LRP2: variants seen among roughly 807,000 people sequenced by gnomAD.
LRP2 encodes LDL receptor related protein 2.
LRP2 carries 172 observed loss-of-function variants against 531.0 expected under a neutral mutation model. The observed-to-expected ratio is 0.32, with a 90% CI of 0.29 to 0.37. The LOEUF (loss-of-function observed/expected upper bound fraction) is 0.37, where lower values mean the gene tolerates loss of function less well. Among genes scored for constraint, LRP2 ranks in the 10% least tolerant of loss-of-function variants. The pLI, the probability that LRP2 is intolerant of heterozygous loss-of-function variation, is 1.00. For missense variants in LRP2, 5,167 were observed against 5,868.3 expected, an observed-to-expected ratio of 0.88 and a Z score of 3.90; for synonymous variants, 1,992 against 2,027.6, an observed-to-expected ratio of 0.98 and a Z score of 0.47.
chr2:169,193,679 A>C (rs1406715157), intron 47 of LRP2, 82 bp downstream of exon 47: 2 of 1,560,610 alleles, frequency 1.3e-6, no homozygotes, highest in Non-Finnish European at 1.8e-6. Flanking sequence ...ATCTGCAATC[A>C]TACTCTCCAA....
At chr2:169,134,531 T>C (rs914154387) in intron 76 of LRP2, among the ~76,000 whole-genome samples, 1 of 152,180 alleles carries the variant, frequency 6.6e-6, no homozygotes, top group African/African-American at 2.4e-5. Flanking sequence ...GGTTTACTGA[T>C]AGCAGTTCCA....
chr2:169,222,854 T>C (rs768601801), intron 33 of LRP2, among the ~76,000 whole-genome samples: 1 of 152,148 alleles, frequency 6.6e-6, no homozygotes, highest in Non-Finnish European at 1.5e-5. Context: ...AGCAAGGATG[T>C]ATTAGTCATC....
In LRP2 at chr2:169,173,752, G is replaced by C. The variant is rs1574096055; in HGVS notation, c.11014+167C>G. Among the ~76,000 whole-genome samples the C allele has an allele frequency of 3.3e-5, 5 of 152,344 alleles. No homozygotes were observed. The Middle Eastern group carries it at 0.014, about 415-fold the overall frequency. ...AAACAGAGTCTGGTTCCACCTGCAAGCCACACAGCTATACTCTGCCTTGCA... is the reference window on the plus strand; with the variant it reads ...AAACAGAGTCTGGTTCCACCTGCAACCCACACAGCTATACTCTGCCTTGCA... On this transcript the variant is annotated intron_variant, in intron 56 of 78. Transcript: ENST00000649046.
intron 60 of LRP2, among the ~76,000 whole-genome samples, chr2:169,169,496 A>C (rs888520979): frequency 1.3e-5 from 2 of 152,218 alleles, no homozygotes; most frequent in Non-Finnish European, 2.9e-5. Flanking sequence ...TCTCCATTTA[A>C]AATAGCAAGG....
Position 169,172,100 on chromosome 2 carries a change from G to A in LRP2, c.11178C>T (p.Arg3726=). Reference sequence around the variant, plus strand: ...GAGGGATGCAGTGGTGATTTTTACAGCGGAAATCCCCCACAGGATGGCATG... The same window carrying A: ...GAGGGATGCAGTGGTGATTTTTACAACGGAAATCCCCCACAGGATGGCATG... ...ERTCHPVGDF[R]CKNHHCIPLR... The change falls in exon 58 of 79, where the codon CGC becomes CGT. Residue 3726 remains arginine, a synonymous_variant. Coordinates refer to ENST00000649046, the MANE Select transcript of LRP2 (RefSeq NM_004525.3). 1 of 1,614,178 alleles carries A rather than the reference G, an allele frequency of 6.2e-7. No homozygotes were observed. Among genetic ancestry groups the A allele is most frequent in the Non-Finnish European group, 8.5e-7 (1 of 1,180,008 alleles).
chr2:169,131,898 G>A (rs1685304722), intron 77 of LRP2, among the ~76,000 whole-genome samples: 2 of 152,180 alleles, frequency 1.3e-5, no homozygotes, highest in Non-Finnish European at 2.9e-5. Flanking sequence ...CATTAATACA[G>A]AGTTTAATAT....
Position 169,216,379 on chromosome 2 carries a change from G to A in LRP2, c.5700C>T (p.Ile1900=), listed in dbSNP as rs772934176. The A allele has an allele frequency of 3.1e-6, 5 of 1,613,616 alleles. No homozygotes were observed. In the Admixed American group the frequency reaches 5.0e-5, roughly 16 times the overall value. The change falls in exon 35 of 79, where the codon ATC becomes ATT. Residue 1900 remains isoleucine, a synonymous_variant. Transcript: ENST00000649046. ...ATGTGCCATCCATGTTAGCACTGGCGATCTTGGCAGGAACCCCACTGTCAG... is the reference window on the plus strand; with the variant it reads ...ATGTGCCATCCATGTTAGCACTGGCAATCTTGGCAGGAACCCCACTGTCAG... The part of the protein sequence containing the change: ...QGTDSGVPAK[I]ASANMDGTSV...
chr2:169,233,472 T>C lies in LRP2; in HGVS notation c.5037A>G (p.Val1679=). ...NKWHGGNQSV[V]MYNIQWPLGI... ...CAAGGGGCCATTGAATATTATACAT[T>C]ACAACTGACTGGTTCCCTCCATGCC... is the stretch of plus-strand genomic sequence containing the variant. The change falls in exon 30 of 79, where the codon GTA becomes GTG. Residue 1679 remains valine (V), a synonymous_variant. Coordinates refer to ENST00000649046, the MANE Select transcript of LRP2 (RefSeq NM_004525.3). 6.2e-7 allele frequency: 1 copy of C among 1,614,140 alleles called. No homozygotes were observed. The highest frequency in any genetic ancestry group is 8.5e-7 in the Non-Finnish European group (1 of 1,180,016).
chr2:169,292,825 C>T (rs1177861052), intron 6 of LRP2, among the ~76,000 whole-genome samples: 2 of 81,846 alleles, frequency 2.4e-5, no homozygotes, highest in Non-Finnish European at 4.5e-5. Flanking sequence ...AGAGTGAGAC[C>T]CTGTCTCAAA....
At chr2:169,129,580 C>T (rs973132709) in intron 77 of LRP2, among the ~76,000 whole-genome samples, 9 of 152,212 alleles carry the variant, frequency 5.9e-5, no homozygotes, top group African/African-American at 2.2e-4. Flanking sequence ...ATAACAAAAA[C>T]ATCTAACATT....
intron 65 of LRP2, among the ~76,000 whole-genome samples, chr2:169,155,133 A>AT (rs1021825678): frequency 1.3e-5 from 2 of 152,134 alleles, no homozygotes; most frequent in Admixed American, 1.3e-4. Context: ...CCTTGATTTA[A>AT]TTTTTTTAAC....
At chr2:169,189,063 G>A (rs1014206278) in intron 48 of LRP2, among the ~76,000 whole-genome samples, 2 of 152,144 alleles carry the variant, frequency 1.3e-5, no homozygotes, top group African/African-American at 4.8e-5. Flanking sequence ...GAAGTTCTGT[G>A]AGCCAAACTG....
intron 1 of LRP2, among the ~76,000 whole-genome samples, chr2:169,342,728 T>C (rs1000219424): frequency 3.9e-5 from 6 of 152,164 alleles, no homozygotes; most frequent in East Asian, 1.9e-4. Context: ...TCTCACCCTG[T>C]AGCACAATTG....
At chr2:169,300,197 A>G (rs1293797372) in intron 4 of LRP2, among the ~76,000 whole-genome samples, 1 of 152,168 alleles carries the variant, frequency 6.6e-6, no homozygotes, top group African/African-American at 2.4e-5. Flanking sequence ...TTTCTCATGG[A>G]ACAGACATTC....
intron 29 of LRP2, 27 bp from the exon 30 acceptor site, chr2:169,233,615 C>T (rs541610129): frequency 6.2e-7 from 1 of 1,611,498 alleles, no homozygotes. Flanking sequence ...AACAGTGAGA[C>T]CTCATCCAAA....
intron 42 of LRP2, among the ~76,000 whole-genome samples, chr2:169,203,688 T>G (rs548822143): frequency 2.8e-4 from 42 of 152,036 alleles, no homozygotes; most frequent in African/African-American, 1.0e-3. Flanking sequence ...ACCCAGGAGG[T>G]GGAGGTTGCA....
intron 1 of LRP2, among the ~76,000 whole-genome samples, chr2:169,326,095 GA>G (rs565521487): frequency 2.0e-4 from 30 of 147,566 alleles, no homozygotes; most frequent in African/African-American, 7.6e-4. Flanking sequence ...ATCAGTGGAA[GA>G]AAAAAGAAAA....
intron 77 of LRP2, among the ~76,000 whole-genome samples, chr2:169,131,245 G>A (rs1328857795): frequency 9.0e-6 from 1 of 111,664 alleles, no homozygotes; most frequent in Non-Finnish European, 1.8e-5. Context: ...GTATGTCTGT[G>A]AGTGTATGAG....
At chr2:169,150,543 T>A (rs754683184) in intron 68 of LRP2, among the ~76,000 whole-genome samples, 1 of 152,220 alleles carries the variant, frequency 6.6e-6, no homozygotes, top group Non-Finnish European at 1.5e-5. Context: ...TGGATTTCAA[T>A]GAATGAGTTA....
Sources: allele counts gnomAD v4.1 joint callset (sites outside exome capture counted in the v4.1 genomes callset), GRCh38; gene constraint gnomAD v4.1.1; transcripts MANE v1.5; gene names NCBI Gene and HGNC (gene_info 2026-07-23, HGNC 2026-07-21).